NRXN1: variants seen among roughly 807,000 people sequenced by gnomAD.
NRXN1 encodes neurexin-1.
Under a neutral mutation model 150.9 loss-of-function variants are expected in NRXN1, and 39 were observed. The observed-to-expected ratio is 0.26, with a 90% CI of 0.20 to 0.34. The LOEUF is 0.34. Ranked by LOEUF, NRXN1 falls within the 10% of genes least tolerant of loss-of-function variation. NRXN1 has a pLI of 1.00. For synonymous variants in NRXN1, 924 were observed against 757.0 expected, an observed-to-expected ratio of 1.22 and a Z score of -3.62; for missense variants, 1,815 against 1,949.9, an observed-to-expected ratio of 0.93 and a Z score of 1.30.
At chr2:50,291,912 A>G (rs1240218568) in intron 17 of NRXN1, among the ~76,000 whole-genome samples, 1 of 152,010 alleles carries the variant, frequency 6.6e-6, no homozygotes, top group Non-Finnish European at 1.5e-5. Flanking sequence ...CAGCAGTACT[A>G]CTCTATAGCC....
At chr2:50,354,586 T>TATATATATATACACAC (rs1273118975) in intron 17 of NRXN1, among the ~76,000 whole-genome samples, 5 of 124,846 alleles carry the variant, frequency 4.0e-5, no homozygotes, top group African/African-American at 1.2e-4. Context: ...TATATATATA[T>TATATATATATACACAC]ACACACACAC....
chr2:50,699,219 C>T (rs577902156), intron 5 of NRXN1, among the ~76,000 whole-genome samples: 1 of 152,124 alleles, frequency 6.6e-6, no homozygotes, highest in Non-Finnish European at 1.5e-5. Context: ...AGCTATCCAC[C>T]CAAAAATTAA....
intron 21 of NRXN1, among the ~76,000 whole-genome samples, chr2:49,956,887 T>A (rs949430594): frequency 3.3e-5 from 5 of 152,134 alleles, no homozygotes; most frequent in African/African-American, 1.2e-4. Flanking sequence ...TTTAAGTTAC[T>A]AAGCTGCCTA....
At chr2:50,874,113 A>G (rs1678208355) in intron 5 of NRXN1, among the ~76,000 whole-genome samples, 1 of 151,910 alleles carries the variant, frequency 6.6e-6, no homozygotes, top group African/African-American at 2.4e-5. Flanking sequence ...AAATCAAACC[A>G]AAGTCATCAA....
chr2:50,156,278 TAA>T (rs2059016972), intron 18 of NRXN1, among the ~76,000 whole-genome samples: 1 of 152,012 alleles, frequency 6.6e-6, no homozygotes. Context: ...AACCAAGGGC[TAA>T]GTCTTTTTAG....
chr2:50,202,168 G>A (rs2062217149), intron 18 of NRXN1, among the ~76,000 whole-genome samples: 1 of 152,158 alleles, frequency 6.6e-6, no homozygotes, highest in South Asian at 2.1e-4. Flanking sequence ...CAAACGAAAG[G>A]AGGAATGATT....
chr2:50,550,696 A>ATTTTATTTTTTTTTATTTTTATTTATTTT (rs1328969985), intron 9 of NRXN1, among the ~76,000 whole-genome samples: 7 of 147,256 alleles, frequency 4.8e-5, no homozygotes, highest in African/African-American at 1.3e-4. Flanking sequence ...ATTTTTTTTT[A>ATTTTATTTTTTTTTATTTTTATTTATTTT]TTTTTGAGAC....
At chr2:49,972,002 T>C (rs191444638) in intron 21 of NRXN1, among the ~76,000 whole-genome samples, 14 of 152,284 alleles carry the variant, frequency 9.2e-5, no homozygotes, top group Admixed American at 9.2e-4. Context: ...ATCCACTAGA[T>C]AACTGACAAG....
chr2:50,587,947 A>G (rs1339309726), intron 8 of NRXN1, among the ~76,000 whole-genome samples: 1 of 152,160 alleles, frequency 6.6e-6, no homozygotes, highest in Non-Finnish European at 1.5e-5. Context: ...AATAATATGA[A>G]GTATTATGAT....
At chr2:50,432,709 G>A (rs1225310515) in intron 17 of NRXN1, among the ~76,000 whole-genome samples, 1 of 152,040 alleles carries the variant, frequency 6.6e-6, no homozygotes, top group East Asian at 1.9e-4. Context: ...TGCCTGGCAG[G>A]AGAATTTTCA....
At chr2:50,636,774 T>C (rs1036236873) in intron 5 of NRXN1, among the ~76,000 whole-genome samples, 2 of 152,170 alleles carry the variant, frequency 1.3e-5, no homozygotes, top group Admixed American at 6.5e-5. Context: ...TAATCACCTT[T>C]CTTCCACAAC....
At chr2:50,780,965 T>C (rs1359076279) in intron 5 of NRXN1, among the ~76,000 whole-genome samples, 2 of 152,122 alleles carry the variant, frequency 1.3e-5, no homozygotes, top group African/African-American at 4.8e-5. Context: ...CTATAAAGGG[T>C]CTGAGATTTT....
intron 2 of NRXN1, among the ~76,000 whole-genome samples, chr2:50,989,302 G>C (rs1359424216): frequency 6.6e-6 from 1 of 151,920 alleles, no homozygotes. Flanking sequence ...ATATTTGAGT[G>C]AGAATACAAT....
At chr2:50,478,087 G>T (rs1191819374) in intron 15 of NRXN1, among the ~76,000 whole-genome samples, 1 of 152,052 alleles carries the variant, frequency 6.6e-6, no homozygotes, top group South Asian at 2.1e-4. Flanking sequence ...AATATCTGTA[G>T]GTCAGACCTT....
chr2:50,658,550 G>C lies in NRXN1; in HGVS notation c.833-34935C>G, dbSNP rs140058152. ...TTTTGCACTCCACTTCCACTTCCTG[G>C]CAATTTTTCTGCTGCCATAATTCAA... On this transcript the variant is annotated intron_variant, in intron 5 of 22. Transcript: ENST00000401669. Among the ~76,000 whole-genome samples the C allele has an allele frequency of 7.1e-4, 108 of 151,680 alleles. 1 individual carries two copies. The East Asian group carries it at 0.018, about 26-fold the overall frequency.
chr2:50,928,787 G>A (rs1337160877), intron 2 of NRXN1, among the ~76,000 whole-genome samples: 1 of 152,008 alleles, frequency 6.6e-6, no homozygotes, highest in Non-Finnish European at 1.5e-5. Context: ...TGTCAAGTTA[G>A]GGAAAATCTC....
chr2:50,536,734 T>A (rs1159075810), intron 10 of NRXN1, among the ~76,000 whole-genome samples: 1 of 152,188 alleles, frequency 6.6e-6, no homozygotes. Flanking sequence ...GCAAGCTTTG[T>A]TACATTGTTC....
intron 8 of NRXN1, among the ~76,000 whole-genome samples, chr2:50,592,893 G>C (rs80317974): frequency 6.6e-6 from 1 of 152,324 alleles, no homozygotes; most frequent in East Asian, 1.9e-4. Context: ...GCAGCAGAAA[G>C]CTTGTCATAA....
intron 5 of NRXN1, among the ~76,000 whole-genome samples, chr2:50,799,800 G>A (rs1468738228): frequency 2.0e-5 from 3 of 152,032 alleles, no homozygotes; most frequent in African/African-American, 7.2e-5. Flanking sequence ...GTAACTCCAT[G>A]GTAAGTCAAG....
Sources: gnomAD v4.1 joint callset for allele counts (sites outside exome capture counted in the v4.1 genomes callset) on GRCh38, gnomAD v4.1.1 for gene constraint, MANE v1.5 for transcripts, NCBI Gene and HGNC (gene_info 2026-07-23, HGNC 2026-07-21) for gene names.